Variants in KIF1A observed in about 807,000 individuals in gnomAD.
The protein encoded by KIF1A is kinesin-like protein KIF1A.
KIF1A carries 46 observed loss-of-function variants against 227.3 expected under a neutral mutation model. The observed-to-expected ratio is 0.20, with a 90% CI of 0.16 to 0.26. KIF1A has a LOEUF of 0.26. Ranked by LOEUF, KIF1A falls within the 10% of genes least tolerant of loss-of-function variation. KIF1A has a pLI of 1.00. For missense variants in KIF1A, 1,683 were observed against 2,485.9 expected, an observed-to-expected ratio of 0.68 and a Z score of 6.87; for synonymous variants, 1,022 against 1,012.8, an observed-to-expected ratio of 1.01 and a Z score of -0.17.
chr2:240,765,678 A>G (rs917655305), intron 20 of KIF1A, 32 bp downstream of exon 20: 1 of 1,560,690 alleles, frequency 6.4e-7, no homozygotes, highest in Non-Finnish European at 8.8e-7. Flanking sequence ...GCCTCTGCCT[A>G]CCTGACTGGC....
chr2:240,762,771 G>A lies in KIF1A; in HGVS notation c.2064C>T (p.Asp688=). 1 of 1,600,536 alleles carries A rather than the reference G, an allele frequency of 6.2e-7. No individual in the cohort carries two copies. Among genetic ancestry groups the A allele is most frequent in the Non-Finnish European group, 8.5e-7 (1 of 1,170,218 alleles). ...SKLEALQKQM[D]SRYYPEVNEE... is the part of the protein sequence containing the mutation. ...CGTTCACCTCCGGGTAGTACCTGGA[G>A]TCCATCTGCTTCTGCAGAGCCTCCA... Residue 688 remains aspartate, a synonymous_variant, in exon 23 of 49, where the codon GAC becomes GAT. Coordinates refer to ENST00000498729, the MANE Select transcript of KIF1A (RefSeq NM_001244008.2).
chr2:240,758,239 TG>T lies in KIF1A; in HGVS notation c.2582+120del. On this transcript the variant is annotated intron_variant, in intron 26 of 48. Coordinates refer to ENST00000498729, the MANE Select transcript of KIF1A (RefSeq NM_001244008.2). The surrounding 1 kb of genome is among the most constrained non-coding windows in gnomAD (Gnocchi z 5.2). The stretch of plus-strand genomic sequence containing the variant: ...GCCAGGGAGGACAGGGCTGGGAATA[TG>T]GGGCTGGAAAAGCACTTGTCAGGGC... 2 of 1,133,544 alleles carry T rather than the reference TG, an allele frequency of 1.8e-6. No homozygotes were observed. The highest frequency in any genetic ancestry group is 2.4e-6 in the Non-Finnish European group (2 of 822,442). The allele number at this position is 1,133,544 out of a possible 1,614,324, so 70.2% of individuals were successfully genotyped here.
chr2:240,722,202 TC>T (rs1424248670), intron 43 of KIF1A, among the ~76,000 whole-genome samples: 1 of 152,056 alleles, frequency 6.6e-6, no homozygotes, highest in Non-Finnish European at 1.5e-5. Context: ...AGTGGTGAGC[TC>T]CCCATCAGCA....
Position 240,719,210 on chromosome 2 carries a change from G to C in KIF1A, c.5022-12C>G. On this transcript the variant is annotated splice_polypyrimidine_tract_variant and intron_variant, in intron 46 of 48. Coordinates refer to ENST00000498729, the MANE Select transcript of KIF1A (RefSeq NM_001244008.2). Reference sequence around the variant, plus strand: ...TGGAAACGATCGGGCTGAAGGCAGAGAGAGCTGCTCGCTGGGGCCCTCGGT... The same window carrying C: ...TGGAAACGATCGGGCTGAAGGCAGACAGAGCTGCTCGCTGGGGCCCTCGGT... 6.3e-7 allele frequency: 1 copy of C among 1,595,190 alleles called. No homozygotes were observed. Among genetic ancestry groups the C allele is most frequent in the African/African-American group, 1.3e-5 (1 of 74,302 alleles).
chr2:240,801,626 A>G (rs1426198841), intron 1 of KIF1A, among the ~76,000 whole-genome samples: 7 of 152,164 alleles, frequency 4.6e-5, no homozygotes, highest in Non-Finnish European at 1.5e-5. Context: ...TAACCCCCCA[A>G]GTGATGACTT....
chr2:240,767,029 G>T lies in KIF1A; in HGVS notation c.1578-8C>A, dbSNP rs1236924207. ...CCATCCTCCCTGCCCACTCTGCGGGGTGGGGGCACCATCAGCACGGCAGCT... is the reference window on the plus strand; with the variant it reads ...CCATCCTCCCTGCCCACTCTGCGGGTTGGGGGCACCATCAGCACGGCAGCT... On this transcript the variant is annotated splice_polypyrimidine_tract_variant and splice_region_variant and intron_variant, in intron 18 of 48. Transcript: ENST00000498729. 2 of 1,597,972 alleles carry T rather than the reference G, an allele frequency of 1.3e-6. No individual in the cohort carries two copies. The highest frequency in any genetic ancestry group is 1.7e-5 in the Admixed American group (1 of 58,922).
chr2:240,723,875 G>T, intron 41 of KIF1A, 100 bp downstream of exon 41: 1 of 1,028,710 alleles, frequency 9.7e-7, no homozygotes, highest in Non-Finnish European at 1.5e-6. Flanking sequence ...GGTTCTGTGA[G>T]GGATCCCCCT....
In KIF1A at chr2:240,715,541, G is replaced by A. The variant is rs7566538; in HGVS notation, c.*1823C>T. The A allele has an allele frequency of 0.51, 76,896 of 152,162 alleles. 21,613 individuals carry two copies. The highest frequency in any genetic ancestry group is 0.69 in the Middle Eastern group (203 of 294). 9.4% of individuals were successfully genotyped at this position (152,162 alleles called of 1,614,324 possible). On this transcript the variant is annotated 3_prime_UTR_variant, in exon 49 of 49. Transcript: ENST00000498729. ...AGGCTGGCCCAGGCAGGCAGCCACA[G>A]AGACTGCAGCCAGCATGGGCCCTGG...
At chr2:240,760,313 C>G (rs935854531) in intron 25 of KIF1A, among the ~76,000 whole-genome samples, 8 of 152,266 alleles carry the variant, frequency 5.3e-5, no homozygotes, top group Admixed American at 2.6e-4. Context: ...TGTACCCGCT[C>G]TTGGCGCTCC....
chr2:240,747,893 T>A (rs1487126743), intron 28 of KIF1A, among the ~76,000 whole-genome samples: 1 of 152,222 alleles, frequency 6.6e-6, no homozygotes, highest in Non-Finnish European at 1.5e-5. Context: ...TCTGTGACAG[T>A]CAGCGCCTGC....
At chr2:240,743,005 T>C in intron 33 of KIF1A, 21 bp from the exon 34 acceptor site, 2 of 1,592,754 alleles carry the variant, frequency 1.3e-6, no homozygotes, top group South Asian at 1.1e-5. Flanking sequence ...AGGACCAGTG[T>C]GAGGTGTTTG....
At chr2:240,773,975 A>T (rs1245130182) in intron 12 of KIF1A, among the ~76,000 whole-genome samples, 1 of 151,900 alleles carries the variant, frequency 6.6e-6, no homozygotes, top group African/African-American at 2.4e-5. Flanking sequence ...CCCAAAGCAC[A>T]CCCCCAAAGG....
Position 240,786,798 on chromosome 2 carries a change from G to A in KIF1A, c.430-285C>T, listed in dbSNP as rs866055109. The stretch of plus-strand genomic sequence containing the variant: ...TCAGGACCCCTGAGTGAGGGGGTGG[G>A]GGCTGCCATCAGGACCCCTGAGTGA... On this transcript the variant is annotated intron_variant, in intron 5 of 48. Coordinates refer to ENST00000498729, the MANE Select transcript of KIF1A (RefSeq NM_001244008.2). Among the ~76,000 whole-genome samples the A allele has an allele frequency of 2.9e-4, 44 of 149,568 alleles. 3 individuals are homozygous for A. Among genetic ancestry groups the A allele is most frequent in the African/African-American group, 1.1e-3 (42 of 39,626 alleles).
Position 240,745,475 on chromosome 2 carries a change from C to T in KIF1A, c.3417G>A (p.Leu1139=). 1 of 1,613,690 alleles carries T rather than the reference C, an allele frequency of 6.2e-7. No homozygotes were observed. The highest frequency in any genetic ancestry group is 1.1e-5 in the South Asian group (1 of 91,058). ...RHDEAFSTEP[L]KNTGRGPPLG... is the part of the protein sequence containing the mutation. Reference sequence around the variant, plus strand: ...GTGGGGGGCCTCTGCCTGTGTTCTTCAGGGGCTCTGTGGAGAAGGCCTCGT... The same window carrying T: ...GTGGGGGGCCTCTGCCTGTGTTCTTTAGGGGCTCTGTGGAGAAGGCCTCGT... The change falls in exon 32 of 49, where the codon CTG becomes CTA. Residue 1139 remains leucine, a synonymous_variant. Transcript: ENST00000498729.
At chr2:240,777,984 C>CGCT (rs1039815988) in intron 10 of KIF1A, among the ~76,000 whole-genome samples, 19 of 152,326 alleles carry the variant, frequency 1.2e-4, no homozygotes, top group African/African-American at 4.6e-4. Context: ...AGCACTCAGT[C>CGCT]CCTCAAGGAG....
chr2:240,774,303 GC>G, intron 11 of KIF1A, 42 bp from the exon 12 acceptor site: 2 of 1,360,542 alleles, frequency 1.5e-6, no homozygotes. Flanking sequence ...GGGGATCTAG[GC>G]CCCAGGGCTA....
rs911386347 is a variant in KIF1A at position 240,717,116 on chromosome 2, C to A, written c.*248G>T. ...AACCCCCGTAACCTGTGCCCTTGGCCCCCCCAGCCTCTCCCAACTTGTTCC... is the reference window on the plus strand; with the variant it reads ...AACCCCCGTAACCTGTGCCCTTGGCACCCCCAGCCTCTCCCAACTTGTTCC... On this transcript the variant is annotated 3_prime_UTR_variant, in exon 49 of 49. Transcript: ENST00000498729. The A allele has an allele frequency of 8.3e-5, 39 of 472,644 alleles. No homozygotes were observed. Among genetic ancestry groups the A allele is most frequent in the East Asian group, 7.3e-4 (23 of 31,512 alleles). 29.3% of individuals were successfully genotyped at this position (472,644 alleles called of 1,614,324 possible).
At chr2:240,785,142 G>T (rs767447936) in intron 6 of KIF1A, 42 bp from the exon 7 acceptor site, 1 of 1,527,214 alleles carries the variant, frequency 6.5e-7, no homozygotes, top group Non-Finnish European at 9.0e-7. Flanking sequence ...CTCGTCCTGT[G>T]GCCGGGTGCG....
At position 240,717,324 on chromosome 2, in the gene KIF1A, G is replaced by T. The variant is rs748374545; in HGVS notation, c.*40C>A. 6.3e-7 allele frequency: 1 copy of T among 1,587,332 alleles called. No individual in the cohort carries two copies. Among genetic ancestry groups the T allele is most frequent in the Non-Finnish European group, 8.6e-7 (1 of 1,159,424 alleles). On this transcript the variant is annotated 3_prime_UTR_variant, in exon 49 of 49. Transcript: ENST00000498729. ...CAGGACAGACGAGGATGAGGGAGGG[G>T]ATGGGCTGGGCCTGCCGGCTGTCAC...
Sources: allele counts gnomAD v4.1 joint callset (sites outside exome capture counted in the v4.1 genomes callset), GRCh38; gene constraint gnomAD v4.1.1; non-coding constraint Gnocchi (gnomAD v3.1); transcripts MANE v1.5; gene names NCBI Gene and HGNC (gene_info 2026-07-23, HGNC 2026-07-21).